The following TRAK2 variants were observed in gnomAD, a reference collection of about 807,000 sequenced individuals.
The protein encoded by TRAK2 is trafficking kinesin-binding protein 2.
Under a neutral mutation model 104.6 loss-of-function variants are expected in TRAK2, and 81 were observed. That is an observed-to-expected ratio of 0.77 (90% confidence interval 0.65 to 0.93). The LOEUF is 0.93. Ranked by LOEUF, TRAK2 falls within the 40% of genes least tolerant of loss-of-function variation. The pLI is 0.00. For missense variants in TRAK2, 1,002 were observed against 1,089.0 expected (o/e 0.92, Z 1.12); for synonymous variants, 406 against 394.4 (o/e 1.03, Z -0.35).
At chr2:201,425,287 C>G (rs1326509361) in intron 1 of TRAK2, among the ~76,000 whole-genome samples, 1 of 152,220 alleles carries the variant, frequency 6.6e-6, no homozygotes, top group Non-Finnish European at 1.5e-5. Flanking sequence ...CATTTACATA[C>G]TTGTAATTAG....
intron 14 of TRAK2, among the ~76,000 whole-genome samples, chr2:201,385,341 ATT>A (rs74268993): frequency 2.1e-5 from 3 of 144,098 alleles, no homozygotes; most frequent in African/African-American, 2.5e-5. Flanking sequence ...ATTTAATTTA[ATT>A]TTTTTTTTTT....
At chr2:201,389,627 G>A in intron 11 of TRAK2, 124 bp from the exon 12 acceptor site, 1 of 1,116,994 alleles carries the variant, frequency 9.0e-7, no homozygotes, top group Non-Finnish European at 1.3e-6. Context: ...GAAATCATCA[G>A]AAAATAAGCT....
chr2:201,399,965 T>C (rs534712616), intron 4 of TRAK2, among the ~76,000 whole-genome samples: 18 of 152,188 alleles, frequency 1.2e-4, no homozygotes, highest in Admixed American at 3.3e-4. Flanking sequence ...GAGTTCCATT[T>C]AGGGCAAAGC....
At chr2:201,394,347 C>T (rs55860809) in intron 9 of TRAK2, among the ~76,000 whole-genome samples, 82,695 of 144,062 alleles carry the variant, frequency 0.57, 25,098 homozygotes, top group South Asian at 0.69. Context: ...CTTTTTCTTT[C>T]TTTTTTTTTT....
In TRAK2 at chr2:201,407,440, G is replaced by C. The variant is rs775504865; in HGVS notation, c.249C>G (p.Leu83=). The change falls in exon 3 of 16, where the codon CTC becomes CTG. Residue 83 remains leucine (L), a synonymous_variant. Coordinates refer to ENST00000332624, the MANE Select transcript of TRAK2 (RefSeq NM_015049.3). ...PHQRQHASDA[L]SPVLAEETFR... Reference sequence around the variant, plus strand: ...AAGTCTCTTCAGCAAGGACTGGAGAGAGAGCATCAGATGCATGCTGCCGCT... The same window carrying C: ...AAGTCTCTTCAGCAAGGACTGGAGACAGAGCATCAGATGCATGCTGCCGCT... 5.6e-6 allele frequency: 9 copies of C among 1,614,090 alleles called. No homozygotes were observed. Among genetic ancestry groups the C allele is most frequent in the Non-Finnish European group, 7.6e-6 (9 of 1,179,958 alleles).
At chr2:201,427,878 G>A (rs754217818) in intron 1 of TRAK2, among the ~76,000 whole-genome samples, 23 of 152,304 alleles carry the variant, frequency 1.5e-4, no homozygotes, top group Non-Finnish European at 2.9e-4. Context: ...ACTGGTGTGA[G>A]ATGGTATCCC....
Position 201,380,974 on chromosome 2 carries a change from C to T in TRAK2, c.2314G>A (p.Ala772Thr). ...NPLQPLPKSL[A>T]IPSTPPNSPS... is the part of the protein sequence containing the mutation. ...GAATTTGGTGGTGTGGAAGGGATAGCCAGGGATTTAGGGAGAGGCTGGAGG... is the reference window on the plus strand; with the variant it reads ...GAATTTGGTGGTGTGGAAGGGATAGTCAGGGATTTAGGGAGAGGCTGGAGG... Residue 772 changes from alanine (A) to threonine (T), a missense_variant, in exon 16 of 16, where the codon GCT becomes ACT. By Grantham distance (58) the Ala-to-Thr change is moderately conservative. Transcript: ENST00000332624. 6.2e-7 allele frequency: 1 copy of T among 1,613,986 alleles called. No individual in the cohort carries two copies. Among genetic ancestry groups the T allele is most frequent in the South Asian group, 1.1e-5 (1 of 91,078 alleles).
intron 1 of TRAK2, among the ~76,000 whole-genome samples, chr2:201,445,687 A>T (rs569864579): frequency 1.9e-4 from 29 of 152,354 alleles, no homozygotes; most frequent in Non-Finnish European, 3.4e-4. Flanking sequence ...ATAATATCCA[A>T]CAGCAAGTAG....
In TRAK2 at chr2:201,380,948, T is replaced by C; in HGVS notation, c.2340A>G (p.Ser780=). 1 of 1,613,738 alleles carries C rather than the reference T, an allele frequency of 6.2e-7. No individual in the cohort carries two copies. The highest frequency in any genetic ancestry group is 8.5e-7 in the Non-Finnish European group (1 of 1,179,914). ...SLAIPSTPPN[S]PSHSPCPSPL... is the part of the protein sequence containing the mutation. ...GAGAAGGGCAAGGTGAGTGAGATGG[T>C]GAATTTGGTGGTGTGGAAGGGATAG... Residue 780 remains serine, a synonymous_variant, in exon 16 of 16, where the codon TCA becomes TCG. Transcript: ENST00000332624.
chr2:201,410,866 G>C, intron 2 of TRAK2: 1 of 1,589,236 alleles, frequency 6.3e-7, no homozygotes, highest in Non-Finnish European at 8.6e-7. Flanking sequence ...ACCAGCAGGA[G>C]GAACATTCAA....
Position 201,381,006 on chromosome 2 carries a change from T to C in TRAK2, c.2282A>G (p.Glu761Gly). The change falls in exon 16 of 16, where the codon GAG (glutamate) becomes GGG (glycine). Residue 761 changes from glutamate to glycine, a missense_variant. Physicochemically the swap from Glu to Gly is moderately conservative, Grantham distance 98. Transcript: ENST00000332624. ...TTTAGGGAGAGGCTGGAGGGGGTTC[T>C]CTGAAATTGGGCTGTGGTACACTTT... Reference protein sequence around the residue: ...SAKVYHSPISENPLQPLPKSL... With the variant: ...SAKVYHSPISGNPLQPLPKSL... 2 of 1,614,096 alleles carry C rather than the reference T, an allele frequency of 1.2e-6. No homozygotes were observed. Among genetic ancestry groups the C allele is most frequent in the Non-Finnish European group, 1.7e-6 (2 of 1,179,994 alleles).
chr2:201,433,276 G>A (rs563037619), intron 1 of TRAK2, among the ~76,000 whole-genome samples: 3 of 152,318 alleles, frequency 2.0e-5, no homozygotes, highest in Non-Finnish European at 4.4e-5. Flanking sequence ...CTATCCAGCT[G>A]CACCGATGCC....
At chr2:201,435,017 GGTAGACTTCA>G (rs1951870963) in intron 1 of TRAK2, among the ~76,000 whole-genome samples, 1 of 152,102 alleles carries the variant, frequency 6.6e-6, no homozygotes, top group Non-Finnish European at 1.5e-5. Flanking sequence ...AACTCAAACA[GGTAGACTTCA>G]GTCTCACATT....
chr2:201,395,483 G>A (rs774828513), intron 7 of TRAK2, 39 bp from the exon 8 acceptor site: 7 of 1,467,508 alleles, frequency 4.8e-6, no homozygotes, highest in Admixed American at 2.0e-5. Flanking sequence ...TAATACAAAT[G>A]TAGAGAAGGA....
chr2:201,430,453 T>C (rs1179979565), intron 1 of TRAK2, among the ~76,000 whole-genome samples: 2 of 152,258 alleles, frequency 1.3e-5, no homozygotes, highest in African/African-American at 2.4e-5. Flanking sequence ...CAGGCAGGCC[T>C]GCTTGAGCTG....
At chr2:201,392,764 G>A in intron 10 of TRAK2, 145 bp downstream of exon 10, 1 of 717,074 alleles carries the variant, frequency 1.4e-6, no homozygotes, top group Non-Finnish European at 2.2e-6. Flanking sequence ...TACAAATTAG[G>A]GCCTAAATCA....
intron 12 of TRAK2, 163 bp from the exon 13 acceptor site, chr2:201,388,164 A>C (rs1293771999): frequency 2.8e-6 from 2 of 715,800 alleles, no homozygotes; most frequent in East Asian, 2.7e-5. Context: ...AAAATCACCA[A>C]CAACACTATA....
At chr2:201,412,041 T>C (rs1017021810) in intron 2 of TRAK2, 41 of 1,077,918 alleles carry the variant, frequency 3.8e-5, no homozygotes, top group Non-Finnish European at 5.9e-5. Flanking sequence ...TGTAGGAAAA[T>C]TAACAAAATC....
At chr2:201,423,396 T>A (rs940700655) in intron 1 of TRAK2, 2 of 151,932 alleles carry the variant, frequency 1.3e-5, no homozygotes, top group Non-Finnish European at 1.5e-5. Flanking sequence ...AATAGGCAAA[T>A]CCATAGTGAC....
Sources: allele counts gnomAD v4.1 joint callset (sites outside exome capture counted in the v4.1 genomes callset), GRCh38; gene constraint gnomAD v4.1.1; transcripts MANE v1.5; gene names NCBI Gene and HGNC (gene_info 2026-07-23, HGNC 2026-07-21).